The following ZGRF1 variants were observed in gnomAD, a reference collection of about 807,000 sequenced individuals.
ZGRF1 encodes the protein zinc finger GRF-type containing 1, also known as 5'-3' DNA helicase ZGRF1.
In ZGRF1, 196 loss-of-function variants were observed where a neutral mutation model predicts 203.5. The observed-to-expected ratio is 0.96, with a 90% CI of 0.86 to 1.08. The LOEUF (loss-of-function observed/expected upper bound fraction) is 1.08. Among genes scored for constraint, ZGRF1 ranks in the 50% least tolerant of loss-of-function variants. The pLI is 0.00. For synonymous variants in ZGRF1, 809 were observed against 841.3 expected (o/e 0.96, Z 0.66); for missense variants, 2,326 against 2,416.3 (o/e 0.96, Z 0.78).
At chr4:112,591,869 G>A (rs543594682) in intron 10 of ZGRF1, among the ~76,000 whole-genome samples, 29 of 152,170 alleles carry the variant, frequency 1.9e-4, no homozygotes, top group Admixed American at 7.9e-4. Context: ...ACACTCTGAG[G>A]TGCTGTATAT....
At chr4:112,595,532 T>C (rs1748854545) in intron 10 of ZGRF1, among the ~76,000 whole-genome samples, 1 of 152,160 alleles carries the variant, frequency 6.6e-6, no homozygotes, top group Admixed American at 6.6e-5. Context: ...GGCAACATAG[T>C]GAGAGCCAGT....
rs375745292 is a variant in ZGRF1, at chr4:112,589,708, A to C, written c.3127+16T>G. ...AAATGAATAGACAGATATTAGAGCA[A>C]TGTGGTAACGACTACCCTCCAAGTT... is the stretch of plus-strand genomic sequence containing the variant. On this transcript the variant is annotated intron_variant, in intron 11 of 27. Coordinates refer to ENST00000505019, the MANE Select transcript of ZGRF1 (RefSeq NM_018392.5). The C allele has an allele frequency of 6.7e-5, 108 of 1,609,836 alleles. No individual in the cohort carries two copies. The Middle Eastern group carries it at 9.9e-4, about 15-fold the overall frequency.
In ZGRF1 at chr4:112,558,269, C is replaced by T. The variant is rs757873011; in HGVS notation, c.5001G>A (p.Val1667=). 1.3e-6 allele frequency: 2 copies of T among 1,585,276 alleles called. No individual in the cohort carries two copies. Among genetic ancestry groups the T allele is most frequent in the Non-Finnish European group, 1.7e-6 (2 of 1,169,520 alleles). The change falls in exon 20 of 28, where the codon GTG becomes GTA. Residue 1667 remains valine (V), a synonymous_variant. Transcript: ENST00000505019. The stretch of plus-strand genomic sequence containing the variant: ...CAAACAGCTGTACAAAGAACAAAAT[C>T]ACCACTGCCAGCAAGTAACTCTTTC... ...GAGKSYLLAV[V]ILFFVQLFEK...
intron 21 of ZGRF1, 103 bp from the exon 22 acceptor site, chr4:112,554,085 G>A: frequency 9.8e-7 from 1 of 1,024,490 alleles, no homozygotes; most frequent in Non-Finnish European, 1.4e-6. Context: ...TAAGTTTTAG[G>A]GTACATGTGC....
intron 8 of ZGRF1, chr4:112,607,740 C>T (rs1477927539): frequency 6.6e-6 from 1 of 152,430 alleles, no homozygotes; most frequent in Non-Finnish European, 1.5e-5. Context: ...CAAGACCAGC[C>T]TGAACAATGT....
At chr4:112,595,580 A>ATGTGTG (rs535521242) in intron 10 of ZGRF1, among the ~76,000 whole-genome samples, 1 of 151,206 alleles carries the variant, frequency 6.6e-6, no homozygotes, top group East Asian at 1.9e-4. Flanking sequence ...GTGTGTATAT[A>ATGTGTG]TGTGTGTGTG....
chr4:112,612,395 A>C (rs2046717465), intron 7 of ZGRF1, 129 bp downstream of exon 7: 1 of 573,818 alleles, frequency 1.7e-6, no homozygotes, highest in Non-Finnish European at 3.1e-6. Context: ...AGGCAATGAA[A>C]AATTACTGAG....
At chr4:112,635,498 C>A (rs979342602) in intron 1 of ZGRF1, among the ~76,000 whole-genome samples, 2 of 151,872 alleles carry the variant, frequency 1.3e-5, no homozygotes, top group Admixed American at 6.6e-5. Context: ...AATCATAGCT[C>A]GCTGTGGCCT....
intron 3 of ZGRF1, chr4:112,628,869 A>C: frequency 2.3e-6 from 1 of 428,530 alleles, no homozygotes; most frequent in South Asian, 1.7e-5. Context: ...AAAAGGCAGA[A>C]TATAAAAGAA....
chr4:112,598,704 AC>A (rs981588481), intron 10 of ZGRF1, among the ~76,000 whole-genome samples: 9 of 152,152 alleles, frequency 5.9e-5, no homozygotes, highest in African/African-American at 2.2e-4. Context: ...TCCAGAAATC[AC>A]AAAAAACACT....
chr4:112,584,684 T>C (rs1160056341), intron 14 of ZGRF1, among the ~76,000 whole-genome samples: 1 of 152,234 alleles, frequency 6.6e-6, no homozygotes, highest in Non-Finnish European at 1.5e-5. Context: ...AGATTTTTAG[T>C]GGCTATATTT....
chr4:112,605,805 T>C, intron 9 of ZGRF1: 1 of 531,358 alleles, frequency 1.9e-6, no homozygotes. Flanking sequence ...TATTAGCTCA[T>C]TAGTAGTATA....
chr4:112,623,737 C>T, intron 4 of ZGRF1, 80 bp downstream of exon 4: 7 of 717,782 alleles, frequency 9.8e-6, no homozygotes, highest in Non-Finnish European at 1.5e-5. Flanking sequence ...ATTATGACTA[C>T]ACTAACAATA....
intron 3 of ZGRF1, among the ~76,000 whole-genome samples, chr4:112,630,181 T>C (rs149623001): frequency 6.6e-5 from 10 of 152,306 alleles, no homozygotes; most frequent in Non-Finnish European, 1.2e-4. Context: ...TTTTTTAATT[T>C]GCTGTTTTAA....
chr4:112,575,647 G>A (rs1745052824), intron 16 of ZGRF1, among the ~76,000 whole-genome samples: 1 of 152,246 alleles, frequency 6.6e-6, no homozygotes, highest in African/African-American at 2.4e-5. Flanking sequence ...GCCTGGATCA[G>A]AGGGTCCTAC....
intron 10 of ZGRF1, among the ~76,000 whole-genome samples, chr4:112,601,122 T>C (rs1307744463): frequency 1.4e-5 from 2 of 145,362 alleles, no homozygotes; most frequent in African/African-American, 5.1e-5. Context: ...AAAAAAATGA[T>C]AAACTAGGCC....
chr4:112,539,963 A>G lies in ZGRF1; in HGVS notation c.6072T>C (p.Asn2024=), dbSNP rs908729837. The G allele has an allele frequency of 1.2e-6, 2 of 1,613,744 alleles. No homozygotes were observed. The highest frequency in any genetic ancestry group is 2.7e-5 in the African/African-American group (2 of 74,918). ...VGFIDSEKRM[N]VALTRGKRHL... ...GCCTCTTTCCTCTAGTCAATGCAAC[A>G]TTCATTCTTTTTTCTGAATCAATGA... Residue 2024 remains asparagine (N), a synonymous_variant, in exon 27 of 28, where the codon AAT becomes AAC. Transcript: ENST00000505019.
At position 112,579,730 on chromosome 4, in the gene ZGRF1, T is replaced by G. The variant is rs1745875366; in HGVS notation, c.4438+1933A>C. On this transcript the variant is annotated intron_variant, in intron 16 of 27. Coordinates refer to ENST00000505019, the MANE Select transcript of ZGRF1 (RefSeq NM_018392.5). ...CAACTTACAAGGGACGTGAAGGACC[T>G]CTTCAAGGAGAACTACAAACCACTG... Among the ~76,000 whole-genome samples the G allele has an allele frequency of 1.7e-5, 2 of 120,672 alleles. 1 individual carries two copies. 79.2% of individuals were successfully genotyped at this position (120,672 alleles called of 152,430 possible).
In ZGRF1 at chr4:112,563,279, A is replaced by T; in HGVS notation, c.4439-5T>A. ...TTGAAACCACCCAAAGATCATCTGA[A>T]AAGACAAACATTTTTAAATATTACA... On this transcript the variant is annotated splice_polypyrimidine_tract_variant and splice_region_variant and intron_variant, in intron 16 of 27. Transcript: ENST00000505019. 1 of 1,547,380 alleles carries T rather than the reference A, an allele frequency of 6.5e-7. No homozygotes were observed. Among genetic ancestry groups the T allele is most frequent in the Non-Finnish European group, 8.7e-7 (1 of 1,144,394 alleles).
Sources: gnomAD v4.1 joint callset for allele counts (sites outside exome capture counted in the v4.1 genomes callset) on GRCh38, gnomAD v4.1.1 for gene constraint, MANE v1.5 for transcripts, NCBI Gene and HGNC (gene_info 2026-07-23, HGNC 2026-07-21) for gene names.